Variants in RHAG observed in about 807,000 individuals in gnomAD.
The protein encoded by RHAG is Rh associated glycoprotein, also known as ammonium transporter Rh type A.
RHAG carries 25 observed loss-of-function variants against 42.4 expected under a neutral mutation model. The observed-to-expected ratio is 0.59, with a 90% CI of 0.43 to 0.82. RHAG has a LOEUF of 0.82. RHAG is among the 40% of genes least tolerant of loss of function. RHAG has a pLI of 0.00. For synonymous variants in RHAG, 182 were observed against 177.7 expected (o/e 1.02, Z -0.19); for missense variants, 483 against 504.6 (o/e 0.96, Z 0.41).
intron 5 of RHAG, 147 bp downstream of exon 5, chr6:49,614,540 A>G (rs1269288417): frequency 3.7e-6 from 3 of 806,174 alleles, no homozygotes; most frequent in Admixed American, 3.4e-5. Flanking sequence ...TTAATGAATA[A>G]ATGTTGTTGT....
At chr6:49,613,991 G>C (rs906124128) in intron 5 of RHAG, among the ~76,000 whole-genome samples, 2 of 152,074 alleles carry the variant, frequency 1.3e-5, no homozygotes, top group African/African-American at 4.8e-5. Context: ...GAATCAGTGT[G>C]CATCATCCCA....
At position 49,611,346 on chromosome 6, in the gene RHAG, G is replaced by T. The variant is rs149325258; in HGVS notation, c.946-201C>A. Among the ~76,000 whole-genome samples the T allele has an allele frequency of 2.9e-3, 437 of 152,266 alleles. 2 individuals are homozygous for T. The highest frequency in any genetic ancestry group is 9.9e-3 in the African/African-American group (412 of 41,542). ...AGGTCATATAGTGAAGAATATTAACGTCTCCAACATCTTACATAGTTACTT... is the reference window on the plus strand; with the variant it reads ...AGGTCATATAGTGAAGAATATTAACTTCTCCAACATCTTACATAGTTACTT... On this transcript the variant is annotated intron_variant, in intron 6 of 9. Coordinates refer to ENST00000371175, the MANE Select transcript of RHAG (RefSeq NM_000324.3).
intron 1 of RHAG, among the ~76,000 whole-genome samples, chr6:49,622,887 C>G (rs1465310474): frequency 6.8e-6 from 1 of 146,766 alleles, no homozygotes; most frequent in East Asian, 2.1e-4. Context: ...CCAGGCCGGA[C>G]TGCAGTGGCG....
intron 1 of RHAG, among the ~76,000 whole-genome samples, chr6:49,622,375 C>A (rs766866725): frequency 1.3e-5 from 2 of 152,074 alleles, no homozygotes; most frequent in Non-Finnish European, 2.9e-5. Context: ...GGCCACCATG[C>A]CGGACTTGGT....
rs955920049 is a variant in RHAG at position 49,607,136 on chromosome 6, C to T, written c.1138+14G>A. ...AGCATAAGATACAGGGAAGTGTTCA[C>T]TTTTTATGCTGACCTGTCATCAGAC... is the stretch of plus-strand genomic sequence containing the variant. On this transcript the variant is annotated intron_variant, in intron 8 of 9. Coordinates refer to ENST00000371175, the MANE Select transcript of RHAG (RefSeq NM_000324.3). The T allele has an allele frequency of 6.2e-7, 1 of 1,607,594 alleles. No individual in the cohort carries two copies. Among genetic ancestry groups the T allele is most frequent in the Non-Finnish European group, 8.5e-7 (1 of 1,174,420 alleles).
chr6:49,609,647 C>T (rs1762535913), intron 7 of RHAG, among the ~76,000 whole-genome samples: 1 of 152,158 alleles, frequency 6.6e-6, no homozygotes, highest in Non-Finnish European at 1.5e-5. Flanking sequence ...AATGTGTCAA[C>T]TGTACACATG....
In RHAG at chr6:49,614,793, T is replaced by A; in HGVS notation, c.701A>T (p.Asp234Val). Residue 234 changes from aspartate to valine, a missense_variant, in exon 5 of 10, where the codon GAC becomes GTC. Transcript: ENST00000371175. Reference protein sequence around the residue: ...SFNSAIAEPGDKQCRAIVNTY... With the variant: ...SFNSAIAEPGVKQCRAIVNTY... ...GTTTACAATGGCCCTGCACTGTTTG[T>A]CTCCAGGTTCAGCAATGGCCGAGTT... 1 of 1,614,118 alleles carries A rather than the reference T, an allele frequency of 6.2e-7. No homozygotes were observed. Among genetic ancestry groups the A allele is most frequent in the Non-Finnish European group, 8.5e-7 (1 of 1,180,018 alleles).
chr6:49,629,840 G>C (rs1431471895), intron 1 of RHAG, among the ~76,000 whole-genome samples: 1 of 143,794 alleles, frequency 7.0e-6, no homozygotes, highest in South Asian at 2.3e-4. Context: ...CGGCTGCTCC[G>C]AGTGCGGGGC....
rs1039781569 is a variant in RHAG, at chr6:49,618,073, A to T, written c.487T>A (p.Phe163Ile). 6.2e-7 allele frequency: 1 copy of T among 1,613,838 alleles called. No individual in the cohort carries two copies. Among genetic ancestry groups the T allele is most frequent in the African/African-American group, 1.3e-5 (1 of 75,032 alleles). ...AHNEYLVSEI[F>I]KASDIGASMT... ...ATAAATTTTCTAACTCTTACCTTAA[A>T]TATTTCACTAACCAGGTATTCATTG... Residue 163 changes from phenylalanine (F) to isoleucine (I), a missense_variant, in exon 3 of 10, where the codon TTT becomes ATT. Transcript: ENST00000371175.
chr6:49,616,387 C>T (rs892337412), intron 3 of RHAG, among the ~76,000 whole-genome samples: 2 of 147,012 alleles, frequency 1.4e-5, no homozygotes, highest in African/African-American at 5.1e-5. Flanking sequence ...ATACTGCTTG[C>T]GATACAAAAT....
intron 1 of RHAG, among the ~76,000 whole-genome samples, chr6:49,628,039 T>G (rs1762868507): frequency 1.3e-5 from 2 of 151,510 alleles, no homozygotes; most frequent in Non-Finnish European, 1.5e-5. Context: ...GAAACAAAAC[T>G]CTCCTTTTCC....
At chr6:49,628,097 G>A (rs1762869311) in intron 1 of RHAG, among the ~76,000 whole-genome samples, 1 of 151,262 alleles carries the variant, frequency 6.6e-6, no homozygotes, top group Admixed American at 6.6e-5. Flanking sequence ...TTGGAATGAT[G>A]TCCGCTCCAT....
At chr6:49,618,354 T>A in intron 2 of RHAG, 136 bp from the exon 3 acceptor site, 1 of 852,652 alleles carries the variant, frequency 1.2e-6, no homozygotes, top group Admixed American at 2.0e-5. Flanking sequence ...TTATTCCTCC[T>A]CTTTTTGACC....
At chr6:49,615,305 C>A (rs1762636289) in intron 4 of RHAG, 2 of 274,830 alleles carry the variant, frequency 7.3e-6, no homozygotes, top group South Asian at 9.5e-5. Flanking sequence ...TCTTGATTAT[C>A]TACAGTTAAG....
At chr6:49,620,433 G>A (rs557114888) in intron 1 of RHAG, among the ~76,000 whole-genome samples, 53 of 152,100 alleles carry the variant, frequency 3.5e-4, no homozygotes, top group Admixed American at 5.9e-4. Context: ...TTTTTGCATT[G>A]GAAATAGTCC....
In RHAG at chr6:49,605,865, T is replaced by C. The variant is rs569944195; in HGVS notation, c.1213-35A>G. The C allele has an allele frequency of 5.1e-4, 797 of 1,567,606 alleles. 10 individuals carry two copies. In the South Asian group the frequency reaches 8.3e-3, roughly 16 times the overall value. The stretch of plus-strand genomic sequence containing the variant: ...AACAAGTTTGAGGGCACTTAATAGT[T>C]TATTTCACTGTTCTTGTCAGAAATT... On this transcript the variant is annotated intron_variant, in intron 9 of 9. Transcript: ENST00000371175.
At chr6:49,606,115 ATAGAG>A (rs1774159016) in intron 9 of RHAG, among the ~76,000 whole-genome samples, 1 of 152,322 alleles carries the variant, frequency 6.6e-6, no homozygotes, top group Admixed American at 6.5e-5. Flanking sequence ...AAAAGTATCA[ATAGAG>A]TAAAGAGAAA....
chr6:49,624,251 G>T (rs921068740), intron 1 of RHAG, among the ~76,000 whole-genome samples: 1 of 151,970 alleles, frequency 6.6e-6, no homozygotes, highest in Non-Finnish European at 1.5e-5. Context: ...TCTTGCCTAG[G>T]CTGGAGTGCA....
intron 5 of RHAG, among the ~76,000 whole-genome samples, chr6:49,613,164 G>A (rs1762595105): frequency 6.6e-6 from 1 of 151,718 alleles, no homozygotes; most frequent in African/African-American, 2.4e-5. Context: ...CCACCTCCTG[G>A]GTTCAAGTGA....
Sources: allele counts gnomAD v4.1 joint callset (sites outside exome capture counted in the v4.1 genomes callset), GRCh38; gene constraint gnomAD v4.1.1; transcripts MANE v1.5; gene names NCBI Gene and HGNC (gene_info 2026-07-23, HGNC 2026-07-21).